ADGRF4: variants seen among roughly 807,000 people sequenced by gnomAD.
The protein encoded by ADGRF4 is G-protein coupled receptor PGR18.
A neutral mutation model predicts 58.5 loss-of-function variants in ADGRF4; 63 were observed. The observed-to-expected ratio is 1.08, with a 90% CI of 0.88 to 1.33. ADGRF4 has a LOEUF of 1.33. Ranked by LOEUF, ADGRF4 falls within the 40% of genes most tolerant of loss-of-function variation. ADGRF4 has a pLI of 0.00. For synonymous variants in ADGRF4, 313 were observed against 295.4 expected (o/e 1.06, Z -0.61); for missense variants, 931 against 843.9 (o/e 1.10, Z -1.28).
At chr6:47,706,082 G>A (rs1771701612) in intron 1 of ADGRF4, among the ~76,000 whole-genome samples, 2 of 152,310 alleles carry the variant, frequency 1.3e-5, no homozygotes, top group African/African-American at 2.4e-5. Context: ...TCAGATTATA[G>A]TATAGTTCTT....
chr6:47,702,439 C>T (rs2113893636), intron 1 of ADGRF4, among the ~76,000 whole-genome samples: 1 of 152,332 alleles, frequency 6.6e-6, no homozygotes, highest in South Asian at 2.1e-4. Context: ...AGCAGTCCCA[C>T]TCCCCGAATT....
In ADGRF4 at chr6:47,707,334, TAA is replaced by T; in HGVS notation, c.92_93del (p.Lys31SerfsTer4). ...TCCCACTATAGATCCAAGATTCACCTAAAAGTAAGTTTGATCTATTCCTATGT... is the reference window on the plus strand; with the variant it reads ...TCCCACTATAGATCCAAGATTCACCTAAGTAAGTTTGATCTATTCCTATGT... On this transcript the variant is annotated frameshift_variant and splice_region_variant, in exon 2 of 10. Coordinates refer to ENST00000283303, the MANE Select transcript of ADGRF4 (RefSeq NM_153838.5). LOFTEE classifies it high-confidence loss of function. 1 of 1,593,910 alleles carries T rather than the reference TAA, an allele frequency of 6.3e-7. No individual in the cohort carries two copies. Among genetic ancestry groups the T allele is most frequent in the Non-Finnish European group, 8.6e-7 (1 of 1,161,528 alleles).
rs1338587615 is a variant in ADGRF4, at chr6:47,715,165, C to T, written c.1920C>T (p.Leu640=). The T allele has an allele frequency of 3.8e-6, 6 of 1,581,398 alleles. No individual in the cohort carries two copies. Among genetic ancestry groups the T allele is most frequent in the Non-Finnish European group, 8.6e-7 (1 of 1,156,488 alleles). The change falls in exon 6 of 10, where the codon CTC becomes CTT. Residue 640 remains leucine (L), a synonymous_variant. Coordinates refer to ENST00000283303, the MANE Select transcript of ADGRF4 (RefSeq NM_153838.5). ...SLTFHIIFAL[L]NAFQGFFILL... is the part of the protein sequence containing the mutation. Reference sequence around the variant, plus strand: ...CGTTCCATATAATTTTTGCCTTGCTCAATGCTTTCCAGGTAAGTTCCAAGA... The same window carrying T: ...CGTTCCATATAATTTTTGCCTTGCTTAATGCTTTCCAGGTAAGTTCCAAGA...
Position 47,718,382 on chromosome 6 carries a change from C to A in ADGRF4, c.2035-7C>A, listed in dbSNP as rs537277540. 3.4e-6 allele frequency: 5 copies of A among 1,490,954 alleles called. No homozygotes were observed. Among genetic ancestry groups the A allele is most frequent in the Non-Finnish European group, 3.7e-6 (4 of 1,067,926 alleles). The allele number at this position is 1,490,954 out of a possible 1,614,324, so 92.4% of individuals were successfully genotyped here. A position where few individuals can be genotyped will look rare whatever the true frequency, so the allele number is the denominator to read the frequency against. ...ATTACCACTACTGTTATTTTTCCCCCACTTAGAATGCATCACTAGGCCCAA... is the reference window on the plus strand; with the variant it reads ...ATTACCACTACTGTTATTTTTCCCCAACTTAGAATGCATCACTAGGCCCAA... On this transcript the variant is annotated splice_polypyrimidine_tract_variant and splice_region_variant and intron_variant, in intron 8 of 9. Transcript: ENST00000283303.
chr6:47,710,337 T>G (rs1343357049), intron 3 of ADGRF4, among the ~76,000 whole-genome samples: 2 of 152,202 alleles, frequency 1.3e-5, no homozygotes, highest in African/African-American at 2.4e-5. Flanking sequence ...TAAAAGTTTA[T>G]GGACTCCTGC....
At chr6:47,716,357 C>T (rs950553131) in intron 6 of ADGRF4, among the ~76,000 whole-genome samples, 4 of 151,986 alleles carry the variant, frequency 2.6e-5, no homozygotes, top group African/African-American at 9.7e-5. Context: ...AGCTTAGAGG[C>T]CTTGGCTGTC....
intron 3 of ADGRF4, 37 bp downstream of exon 3, chr6:47,708,315 A>G (rs1244314120): frequency 6.6e-7 from 1 of 1,518,154 alleles, no homozygotes; most frequent in Admixed American, 1.7e-5. Flanking sequence ...CCATTTGAAG[A>G]CAGGGAAGAA....
chr6:47,709,062 T>C (rs1353826995), intron 3 of ADGRF4, among the ~76,000 whole-genome samples: 1 of 152,234 alleles, frequency 6.6e-6, no homozygotes, highest in African/African-American at 2.4e-5. Flanking sequence ...CAAGGTTTGA[T>C]GCAAATTTTG....
chr6:47,716,924 T>C (rs1581699291), intron 7 of ADGRF4, 77 bp downstream of exon 7: 2 of 987,990 alleles, frequency 2.0e-6, no homozygotes, highest in Non-Finnish European at 3.2e-6. Flanking sequence ...CAGTTTTGAT[T>C]GGAGAGCATA....
chr6:47,717,161 T>G, intron 7 of ADGRF4, 131 bp from the exon 8 acceptor site: 1 of 737,170 alleles, frequency 1.4e-6, no homozygotes, highest in Non-Finnish European at 2.5e-6. Context: ...ATCTTGTTAC[T>G]TGCCAGTCAC....
At chr6:47,699,541 A>T (rs1016926168) in intron 1 of ADGRF4, among the ~76,000 whole-genome samples, 2 of 152,238 alleles carry the variant, frequency 1.3e-5, no homozygotes, top group African/African-American at 4.8e-5. Flanking sequence ...CTCTGAAATT[A>T]TGTGATTCTT....
intron 2 of ADGRF4, among the ~76,000 whole-genome samples, chr6:47,707,574 G>C (rs1484849373): frequency 6.6e-6 from 1 of 152,212 alleles, no homozygotes; most frequent in South Asian, 2.1e-4. Context: ...AATGTAGATA[G>C]AATGTAGATA....
chr6:47,716,939 A>G (rs183785001), intron 7 of ADGRF4, 92 bp downstream of exon 7: 1 of 841,062 alleles, frequency 1.2e-6, no homozygotes, highest in East Asian at 2.4e-5. Context: ...AGCATACTCC[A>G]GGGGAGTTGA....
In ADGRF4 at chr6:47,710,308, A is replaced by G. The variant is rs76567002; in HGVS notation, c.149-427A>G. On this transcript the variant is annotated intron_variant, in intron 3 of 9. Coordinates refer to ENST00000283303, the MANE Select transcript of ADGRF4 (RefSeq NM_153838.5). ...TTCCCATATTTTATCCAGCAACTCC[A>G]TTTATGTGTTCCTTTACATAAAAGT... 8.5e-5 allele frequency among the ~76,000 whole-genome samples: 13 copies of G among 152,294 alleles called. No individual in the cohort carries two copies. In the East Asian group the frequency reaches 2.5e-3, roughly 29 times the overall value.
chr6:47,708,176 A>T (rs746480552), intron 2 of ADGRF4, 48 bp from the exon 3 acceptor site: 2 of 1,396,898 alleles, frequency 1.4e-6, no homozygotes, highest in South Asian at 2.3e-5. Context: ...GAGATGAGGG[A>T]GCAGAGTCCC....
chr6:47,714,551 T>C lies in ADGRF4; in HGVS notation c.1306T>C (p.Ser436Pro). ...VWSRVVVTEI[S>P]YMRHVCIVNI... ...GTCCCGGGTGGTTGTGACGGAGATA[T>C]CATACATGCGTCACGTGTGCATCGT... Residue 436 changes from serine to proline, a missense_variant, in exon 6 of 10, where the codon TCA becomes CCA. By Grantham distance (74) the Ser-to-Pro change is moderately conservative. Transcript: ENST00000283303. 9 of 1,614,140 alleles carry C rather than the reference T, an allele frequency of 5.6e-6. No homozygotes were observed. Among genetic ancestry groups the C allele is most frequent in the Non-Finnish European group, 7.6e-6 (9 of 1,180,034 alleles).
Position 47,716,836 on chromosome 6 carries a change from A to G in ADGRF4, c.1963A>G (p.Met655Val). Reference protein sequence around the residue: ...GFFILLFGTIMDHKIRDALRM... With the variant: ...GFFILLFGTIVDHKIRDALRM... ...TTTCATCCTGCTGTTTGGAACCATT[A>G]TGGATCACAAGGTAATTTGAATTTG... is the stretch of plus-strand genomic sequence containing the variant. The change falls in exon 7 of 10, where the codon ATG becomes GTG. Residue 655 changes from methionine (M) to valine (V), a missense_variant. Met to Val is a conservative substitution (Grantham distance 21). Coordinates refer to ENST00000283303, the MANE Select transcript of ADGRF4 (RefSeq NM_153838.5). 1 of 1,599,164 alleles carries G rather than the reference A, an allele frequency of 6.3e-7. No individual in the cohort carries two copies. Among genetic ancestry groups the G allele is most frequent in the Non-Finnish European group, 8.5e-7 (1 of 1,172,042 alleles).
intron 1 of ADGRF4, among the ~76,000 whole-genome samples, chr6:47,703,118 G>C (rs1364602083): frequency 6.6e-6 from 1 of 152,160 alleles, no homozygotes; most frequent in East Asian, 1.9e-4. Context: ...CTAGGTGCTG[G>C]AGAGATACTA....
chr6:47,720,031 T>C (rs1367558479), intron 9 of ADGRF4, among the ~76,000 whole-genome samples: 1 of 152,220 alleles, frequency 6.6e-6, no homozygotes, highest in African/African-American at 2.4e-5. Flanking sequence ...TTGGGGACTA[T>C]GCTTTTCACA....
Sources: allele counts gnomAD v4.1 joint callset (sites outside exome capture counted in the v4.1 genomes callset), GRCh38; gene constraint gnomAD v4.1.1; transcripts MANE v1.5; gene names NCBI Gene and HGNC (gene_info 2026-07-23, HGNC 2026-07-21).